Variants in USP15 observed in about 807,000 individuals in gnomAD.
USP15 encodes the protein ubiquitin carboxyl-terminal hydrolase 15.
Under a neutral mutation model 127.1 loss-of-function variants are expected in USP15, and 18 were observed. The ratio of observed to expected loss-of-function variants is 0.14; its 90% CI spans 0.10 to 0.21. The LOEUF (loss-of-function observed/expected upper bound fraction) is 0.21. Ranked by LOEUF, USP15 falls within the 10% of genes least tolerant of loss-of-function variation. USP15 has a pLI of 1.00. For synonymous variants in USP15, 364 were observed against 393.7 expected (o/e 0.92, Z 0.89); for missense variants, 805 against 1,159.9 (o/e 0.69, Z 4.44).
intron 20 of USP15, among the ~76,000 whole-genome samples, 184 bp from the exon 21 acceptor site, chr12:62,401,003 T>A (rs1344453931): frequency 6.6e-6 from 1 of 152,042 alleles, no homozygotes; most frequent in Non-Finnish European, 1.5e-5. Context: ...TACATGAAAA[T>A]TATTTTTGGC....
intron 7 of USP15, among the ~76,000 whole-genome samples, chr12:62,353,789 T>G (rs2066034199): frequency 6.6e-6 from 1 of 152,042 alleles, no homozygotes; most frequent in Non-Finnish European, 1.5e-5. Flanking sequence ...TGTACTTTAT[T>G]AGTTACTAGG....
In USP15 at chr12:62,298,782, T is replaced by C. The variant is rs569149919; in HGVS notation, c.218-4008T>C. ...AGACAGAGGTTGTATGGAGCCGAGA[T>C]TGTACCACTGCACTCCAGCATGGGT... On this transcript the variant is annotated intron_variant, in intron 2 of 21. Coordinates refer to ENST00000280377, the MANE Select transcript of USP15 (RefSeq NM_001252078.2). Among the ~76,000 whole-genome samples the C allele has an allele frequency of 2.1e-5, 3 of 146,120 alleles. No homozygotes were observed. In the South Asian group the frequency reaches 6.4e-4, roughly 31 times the overall value.
intron 8 of USP15, among the ~76,000 whole-genome samples, chr12:62,376,636 A>G (rs1565897811): frequency 6.6e-6 from 1 of 152,166 alleles, no homozygotes. Flanking sequence ...ATAACATACT[A>G]ACTAATACTG....
chr12:62,388,681 C>G (rs903828731), intron 11 of USP15, among the ~76,000 whole-genome samples: 5 of 152,076 alleles, frequency 3.3e-5, no homozygotes. Context: ...CATGTAGGGC[C>G]TGGATGGAAG....
chr12:62,294,563 T>C, intron 2 of USP15: 1 of 249,926 alleles, frequency 4.0e-6, no homozygotes, highest in East Asian at 9.4e-5. Flanking sequence ...AGAACTGATT[T>C]CTTCATTTAA....
In USP15 at chr12:62,407,370, T is replaced by TGAGA. The variant is rs1464839130; in HGVS notation, c.*2997_*3000dup. The stretch of plus-strand genomic sequence containing the variant: ...TATAGTGTCTGCCTCATAGGATTGT[T>TGAGA]GAGAGCTCAAATGAGATCATGTATT... On this transcript the variant is annotated 3_prime_UTR_variant, in exon 22 of 22. Transcript: ENST00000280377. 1 of 152,210 alleles carries TGAGA rather than the reference T, an allele frequency of 6.6e-6. No homozygotes were observed. 9.4% of individuals were successfully genotyped at this position (152,210 alleles called of 1,614,324 possible). A position where few individuals can be genotyped will look rare whatever the true frequency, so the allele number is the denominator to read the frequency against.
At chr12:62,349,861 C>T (rs1436369086) in intron 7 of USP15, among the ~76,000 whole-genome samples, 1 of 151,914 alleles carries the variant, frequency 6.6e-6, no homozygotes, top group Non-Finnish European at 1.5e-5. Flanking sequence ...CAAGGTTACA[C>T]AGCTTCACTC....
At chr12:62,289,731 G>GTGTGTGTGTGTGTGTGTGTT in intron 1 of USP15, among the ~76,000 whole-genome samples, 1 of 151,466 alleles carries the variant, frequency 6.6e-6, no homozygotes, top group Non-Finnish European at 1.5e-5. Flanking sequence ...GTGTGTGTGT[G>GTGTGTGTGTGTGTGTGTGTT]TGTGTGTTTA....
rs536939570 is a variant in USP15 at position 62,364,004 on chromosome 12, A to C, written c.915+8529A>C. ...TGTGATGTCTGTGAAACATCCAAGC[A>C]GATAGATCATAGACAGTTGGATATT... is the stretch of plus-strand genomic sequence containing the variant. On this transcript the variant is annotated intron_variant, in intron 8 of 21. Coordinates refer to ENST00000280377, the MANE Select transcript of USP15 (RefSeq NM_001252078.2). 2.6e-4 allele frequency among the ~76,000 whole-genome samples: 40 copies of C among 152,284 alleles called. 1 individual carries two copies. In the South Asian group the frequency reaches 4.2e-3, roughly 16 times the overall value.
At chr12:62,397,962 A>G (rs975598164) in intron 20 of USP15, among the ~76,000 whole-genome samples, 7 of 149,520 alleles carry the variant, frequency 4.7e-5, no homozygotes, top group African/African-American at 1.7e-4. Flanking sequence ...GTATGTATTT[A>G]TACTTTATAT....
intron 19 of USP15, 47 bp from the exon 20 acceptor site, chr12:62,396,248 G>T (rs2137643964): frequency 6.8e-7 from 1 of 1,462,796 alleles, no homozygotes; most frequent in Non-Finnish European, 9.2e-7. Flanking sequence ...AGAATTCATT[G>T]CATTTAGGGA....
chr12:62,265,436 A>G (rs1209615029), intron 1 of USP15, among the ~76,000 whole-genome samples: 1 of 152,254 alleles, frequency 6.6e-6, no homozygotes, highest in African/African-American at 2.4e-5. Flanking sequence ...AATAGGAATC[A>G]TAGGCTCAAA....
At chr12:62,287,884 A>T (rs2063830129) in intron 1 of USP15, among the ~76,000 whole-genome samples, 1 of 152,128 alleles carries the variant, frequency 6.6e-6, no homozygotes, top group Non-Finnish European at 1.5e-5. Context: ...AGCTTCGTTG[A>T]AGATCAGTTG....
At position 62,397,220 on chromosome 12, in the gene USP15, T is replaced by C. The variant is rs1478700271; in HGVS notation, c.2674+822T>C. 3.3e-5 allele frequency among the ~76,000 whole-genome samples: 5 copies of C among 152,362 alleles called. No individual in the cohort carries two copies. In the South Asian group the frequency reaches 6.2e-4, roughly 19 times the overall value. On this transcript the variant is annotated intron_variant, in intron 20 of 21. Coordinates refer to ENST00000280377, the MANE Select transcript of USP15 (RefSeq NM_001252078.2). ...TTGTAAGTTTTTTATATTTTCATTA[T>C]CTTAGTTTGGAATAAAGATTAGAGT...
chr12:62,328,184 T>C (rs2137311465), intron 6 of USP15: 1 of 363,746 alleles, frequency 2.7e-6, no homozygotes, highest in African/African-American at 2.1e-5. Context: ...AACAGCAAAC[T>C]ACTAGAACTG....
chr12:62,339,377 T>C (rs1206052625), intron 6 of USP15, among the ~76,000 whole-genome samples: 1 of 152,178 alleles, frequency 6.6e-6, no homozygotes, highest in Admixed American at 6.5e-5. Context: ...TTAAATACTC[T>C]TTATTTCTTT....
intron 6 of USP15, among the ~76,000 whole-genome samples, chr12:62,341,373 T>G (rs1290640255): frequency 1.3e-5 from 2 of 152,246 alleles, no homozygotes; most frequent in Non-Finnish European, 2.9e-5. Context: ...TTTAGCCCAT[T>G]TATATTTAAG....
At chr12:62,342,593 G>A (rs1228158519) in intron 6 of USP15, among the ~76,000 whole-genome samples, 1 of 151,986 alleles carries the variant, frequency 6.6e-6, no homozygotes, top group Admixed American at 6.6e-5. Flanking sequence ...GGTTTTTATT[G>A]GGGGGTCTTT....
intron 14 of USP15, among the ~76,000 whole-genome samples, 167 bp downstream of exon 14, chr12:62,390,155 T>C (rs370449934): frequency 5.3e-5 from 8 of 152,332 alleles, no homozygotes; most frequent in African/African-American, 1.9e-4. Context: ...TTCTTATTCA[T>C]GTAAAACATA....
Sources: allele counts gnomAD v4.1 joint callset (sites outside exome capture counted in the v4.1 genomes callset), GRCh38; gene constraint gnomAD v4.1.1; transcripts MANE v1.5; gene names NCBI Gene and HGNC (gene_info 2026-07-23, HGNC 2026-07-21).